The following NEMP2 variants were observed in gnomAD, a reference collection of about 807,000 sequenced individuals.
NEMP2 encodes the protein UPF0571 transmembrane protein.
In NEMP2, 53 loss-of-function variants were observed where a neutral mutation model predicts 54.2. The observed-to-expected ratio is 0.98, with a 90% CI of 0.78 to 1.23. The LOEUF is 1.23. NEMP2 is among the 50% of genes most tolerant of loss of function. The pLI, the probability that NEMP2 is intolerant of heterozygous loss-of-function variation, is 0.00. For missense variants in NEMP2, 455 were observed against 511.3 expected, an observed-to-expected ratio of 0.89 and a Z score of 1.06; for synonymous variants, 197 against 190.3, an observed-to-expected ratio of 1.04 and a Z score of -0.29.
chr2:190,534,465 G>T, intron 1 of NEMP2, 94 bp downstream of exon 1: 1 of 1,263,230 alleles, frequency 7.9e-7, no homozygotes, highest in Non-Finnish European at 9.9e-7. Flanking sequence ...GGGCCTCGCG[G>T]TGCCGCCCGG....
the NEMP2 span, among the ~76,000 whole-genome samples, chr2:190,448,836 C>A: frequency 6.6e-6 from 1 of 152,152 alleles, no homozygotes; most frequent in Non-Finnish European, 1.5e-5. Context: ...TGGTGCTAGA[C>A]AGTCTCTACC....
At chr2:190,459,464 C>T in the NEMP2 span, among the ~76,000 whole-genome samples, 6 of 152,046 alleles carry the variant, frequency 3.9e-5, no homozygotes. This position sits in a 1 kb window ranked among gnomAD's most constrained non-coding sequence, Gnocchi z 5.3. Flanking sequence ...AATTTTTAAA[C>T]AAAATTGTAG....
chr2:190,456,877 TTTGATCTAGG>T, the NEMP2 span, among the ~76,000 whole-genome samples: 6 of 152,334 alleles, frequency 3.9e-5, no homozygotes, highest in African/African-American at 1.2e-4. The surrounding 1 kb of genome is among the most constrained non-coding windows in gnomAD (Gnocchi z 5.4). Context: ...GCTTTTCTCC[TTTGATCTAGG>T]ATATTGGACA....
In NEMP2 at chr2:190,513,151, A is replaced by G. The variant is rs1035915011; in HGVS notation, c.953+1302T>C. On this transcript the variant is annotated intron_variant, in intron 7 of 8. Transcript: ENST00000409150. The surrounding 1 kb of genome is among the most constrained non-coding windows in gnomAD (Gnocchi z 5.3). ...CCAGAAGACAGATGGGCCACATCCC[A>G]CCAGCCAATGAGTATTTATGGTCTC... Among the ~76,000 whole-genome samples, 12 of 152,020 alleles carry G rather than the reference A, an allele frequency of 7.9e-5. No homozygotes were observed. Among genetic ancestry groups the G allele is most frequent in the Non-Finnish European group, 1.8e-4 (12 of 67,972 alleles).
chr2:190,538,052 T>C (rs79168971), upstream of NEMP2, among the ~76,000 whole-genome samples: 1 of 152,214 alleles, frequency 6.6e-6, no homozygotes, highest in Non-Finnish European at 1.5e-5. This position sits in a 1 kb window ranked among gnomAD's most constrained non-coding sequence, Gnocchi z 4.1. Context: ...TGTCTCATGA[T>C]GGTCTAAAGT....
chr2:190,468,362 A>G, the NEMP2 span, among the ~76,000 whole-genome samples: 4 of 151,326 alleles, frequency 2.6e-5, no homozygotes, highest in East Asian at 3.9e-4. Flanking sequence ...TTTCTTTTCC[A>G]TATGTGAGAT....
At chr2:190,477,292 C>T in the NEMP2 span, 1 of 984,612 alleles carries the variant, frequency 1.0e-6, no homozygotes, top group Non-Finnish European at 1.2e-6. Flanking sequence ...TAGGATTTCC[C>T]ACCTCTGGTT....
chr2:190,431,524 G>C, the NEMP2 span, among the ~76,000 whole-genome samples: 2 of 152,352 alleles, frequency 1.3e-5, no homozygotes, highest in East Asian at 3.9e-4. The surrounding 1 kb of genome is among the most constrained non-coding windows in gnomAD (Gnocchi z 4.4). Flanking sequence ...CCAACACAGC[G>C]AAACCCCGTC....
chr2:190,462,936 A>G, the NEMP2 span, among the ~76,000 whole-genome samples: 3 of 152,166 alleles, frequency 2.0e-5, no homozygotes, highest in African/African-American at 4.8e-5. This position sits in a 1 kb window ranked among gnomAD's most constrained non-coding sequence, Gnocchi z 5.7. Context: ...GGAGGGTACC[A>G]TGATGTAACT....
chr2:190,479,428 TGGTGGTG>T, the NEMP2 span, among the ~76,000 whole-genome samples: 1 of 152,284 alleles, frequency 6.6e-6, no homozygotes, highest in East Asian at 1.9e-4. Flanking sequence ...CATTGCTGGA[TGGTGGTG>T]GTGGTGAATA....
At chr2:190,469,777 G>C in the NEMP2 span, 1 of 1,588,842 alleles carries the variant, frequency 6.3e-7, no homozygotes, top group Non-Finnish European at 8.6e-7. This position sits in a 1 kb window ranked among gnomAD's most constrained non-coding sequence, Gnocchi z 5.3. Context: ...CATTGGCCTG[G>C]CCTGCAATAC....
chr2:190,491,441 C>T, the NEMP2 span, among the ~76,000 whole-genome samples: 1 of 152,162 alleles, frequency 6.6e-6, no homozygotes, highest in South Asian at 2.1e-4. The surrounding 1 kb of genome is among the most constrained non-coding windows in gnomAD (Gnocchi z 4.2). Flanking sequence ...AAATATTGGG[C>T]TGGTATCCAG....
the NEMP2 span, chr2:190,433,368 G>A: frequency 6.6e-6 from 1 of 152,162 alleles, no homozygotes; most frequent in Non-Finnish European, 1.5e-5. The surrounding 1 kb of genome is among the most constrained non-coding windows in gnomAD (Gnocchi z 4.5). Context: ...GATAGGTGAA[G>A]GCACTAATGA....
the NEMP2 span, among the ~76,000 whole-genome samples, chr2:190,474,647 G>A: frequency 2.0e-5 from 3 of 152,212 alleles, no homozygotes; most frequent in East Asian, 1.9e-4. Flanking sequence ...ACAAGGAGGA[G>A]CTGGTACCAT....
rs1366791405 is a variant in NEMP2 at position 190,522,367 on chromosome 2, T to TA, written c.213+2895dup. ...AAACCTGCACATGTACCCCCAAATCTAAAAAATTAAAAATTAAGAAGGTTT... is the reference window on the plus strand; with the variant it reads ...AAACCTGCACATGTACCCCCAAATCTAAAAAAATTAAAAATTAAGAAGGTTT... On this transcript the variant is annotated intron_variant, in intron 2 of 8. Coordinates refer to ENST00000409150, the MANE Select transcript of NEMP2 (RefSeq NM_001142645.2). The surrounding 1 kb of genome is among the most constrained non-coding windows in gnomAD (Gnocchi z 5.0). Among the ~76,000 whole-genome samples the TA allele has an allele frequency of 6.6e-6, 1 of 151,738 alleles. No individual in the cohort carries two copies. The highest frequency in any genetic ancestry group is 1.5e-5 in the Non-Finnish European group (1 of 67,944).
the NEMP2 span, among the ~76,000 whole-genome samples, chr2:190,572,836 T>TATATATATAG: frequency 1.1e-5 from 1 of 93,902 alleles, no homozygotes; most frequent in Non-Finnish European, 2.1e-5. Flanking sequence ...TTCATGAGTA[T>TATATATATAG]ATATATATAT....
the NEMP2 span, among the ~76,000 whole-genome samples, chr2:190,496,153 A>C: frequency 6.6e-6 from 1 of 151,898 alleles, no homozygotes; most frequent in Non-Finnish European, 1.5e-5. This position sits in a 1 kb window ranked among gnomAD's most constrained non-coding sequence, Gnocchi z 4.7. Context: ...GAAAAAAAAA[A>C]ACACCAAAGA....
At position 190,514,866 on chromosome 2, in the gene NEMP2, C is replaced by T. The variant is rs114034295; in HGVS notation, c.728-188G>A. ...CCTTCCATATGAGATACTAGGCTGA[C>T]TTTCGCAATAATTTGGGATGTACAC... On this transcript the variant is annotated intron_variant, in intron 6 of 8. Transcript: ENST00000409150. This position sits in a 1 kb window ranked among gnomAD's most constrained non-coding sequence, Gnocchi z 5.7. Among the ~76,000 whole-genome samples, 3,999 of 152,186 alleles carry T rather than the reference C, an allele frequency of 0.026. 63 individuals are homozygous for T. Among genetic ancestry groups the T allele is most frequent in the Middle Eastern group, 0.082 (24 of 294 alleles).
the NEMP2 span, chr2:190,609,726 C>A: frequency 6.6e-6 from 1 of 152,104 alleles, no homozygotes; most frequent in Non-Finnish European, 1.5e-5. The surrounding 1 kb of genome is among the most constrained non-coding windows in gnomAD (Gnocchi z 4.7). Flanking sequence ...TTCTATCATG[C>A]TTGTATATTT....
Sources: gnomAD v4.1 joint callset for allele counts (sites outside exome capture counted in the v4.1 genomes callset) on GRCh38, gnomAD v4.1.1 for gene constraint, Gnocchi (gnomAD v3.1) non-coding constraint, MANE v1.5 for transcripts, NCBI Gene and HGNC (gene_info 2026-07-23, HGNC 2026-07-21) for gene names.